RIPPLY2: variants seen among roughly 807,000 people sequenced by gnomAD.
The protein encoded by RIPPLY2 is ripply transcriptional repressor 2.
RIPPLY2 carries 20 observed loss-of-function variants against 17.7 expected under a neutral mutation model. That is an observed-to-expected ratio of 1.13 (90% CI 0.79 to 1.64). The LOEUF is 1.64. Among genes scored for constraint, RIPPLY2 ranks in the 40% most tolerant of loss-of-function variants. The pLI is 0.00. For missense variants in RIPPLY2, 213 were observed against 169.8 expected (o/e 1.25, Z -1.41); for synonymous variants, 69 against 63.9 (o/e 1.08, Z -0.38).
Position 83,853,391 on chromosome 6 carries a change from G to C in RIPPLY2, c.-26G>C. The C allele has an allele frequency of 6.5e-7, 1 of 1,533,894 alleles. No individual in the cohort carries two copies. Among genetic ancestry groups the C allele is most frequent in the East Asian group, 2.5e-5 (1 of 40,704 alleles). On this transcript the variant is annotated 5_prime_UTR_variant, in exon 1 of 4. Transcript: ENST00000369689. ...TCAAGATTGCCCGCGAGCTGGCAGC[G>C]GCCTTCCGCCCAGCTCTGCGGCGTC...
At chr6:83,857,206 T>A (rs2099455118) in intron 3 of RIPPLY2, 36 bp from the exon 4 acceptor site, 1 of 1,403,550 alleles carries the variant, frequency 7.1e-7, no homozygotes, top group Non-Finnish European at 9.4e-7. Context: ...AGATCCTGAA[T>A]GTGAAAAAAT....
At chr6:83,853,306 C>A, upstream of RIPPLY2, 1 of 808,986 alleles carries the variant, frequency 1.2e-6, no homozygotes, top group Non-Finnish European at 1.9e-6. Flanking sequence ...GCGAACCTCT[C>A]AATGTGCAGC....
At chr6:83,855,998 A>G (rs1370750685) in intron 3 of RIPPLY2, 1 of 152,212 alleles carries the variant, frequency 6.6e-6, no homozygotes, top group African/African-American at 2.4e-5. Context: ...CCAGTTACGC[A>G]TTAGGAAATA....
intron 1 of RIPPLY2, 25 bp downstream of exon 1, chr6:83,853,536 G>T (rs771322458): frequency 9.2e-5 from 142 of 1,535,752 alleles, no homozygotes; most frequent in Non-Finnish European, 1.2e-4. Flanking sequence ...GCTGCTCTGC[G>T]CCTCCCAGCT....
At chr6:83,855,730 T>C (rs2099454896) in intron 3 of RIPPLY2, 1 of 151,938 alleles carries the variant, frequency 6.6e-6, no homozygotes, top group Non-Finnish European at 1.5e-5. Context: ...CCATGGTAAA[T>C]GTAGGGTGGG....
chr6:83,853,841 C>T, intron 2 of RIPPLY2, 68 bp downstream of exon 2: 1 of 1,394,030 alleles, frequency 7.2e-7, no homozygotes, highest in South Asian at 1.2e-5. Flanking sequence ...GCTCTCGGGA[C>T]GCAGGGCCTG....
Position 83,853,378 on chromosome 6 carries a change from G to T in RIPPLY2, c.-39G>T. The T allele has an allele frequency of 1.3e-6, 2 of 1,514,238 alleles. No individual in the cohort carries two copies. 93.8% of individuals were successfully genotyped at this position (1,514,238 alleles called of 1,614,324 possible). A position where few individuals can be genotyped will look rare whatever the true frequency, so the allele number is the denominator to read the frequency against. On this transcript the variant is annotated 5_prime_UTR_variant, in exon 1 of 4. Transcript: ENST00000369689. Reference sequence around the variant, plus strand: ...CTACTGGAACTGGTCAAGATTGCCCGCGAGCTGGCAGCGGCCTTCCGCCCA... The same window carrying T: ...CTACTGGAACTGGTCAAGATTGCCCTCGAGCTGGCAGCGGCCTTCCGCCCA...
rs935027286 is a variant in RIPPLY2, at chr6:83,857,497, A to G, written c.*108A>G. The G allele has an allele frequency of 1.7e-6, 1 of 585,702 alleles. No individual in the cohort carries two copies. The highest frequency in any genetic ancestry group is 2.5e-6 in the Non-Finnish European group (1 of 405,514). The allele number at this position is 585,702 out of a possible 1,614,324, so 36.3% of individuals were successfully genotyped here. On this transcript the variant is annotated 3_prime_UTR_variant, in exon 4 of 4. Transcript: ENST00000369689. ...ATTTATTTGTATATAAATTATTAAT[A>G]AAATGAAATATTTTGTAATTATTCT...
chr6:83,853,653 C>A, intron 1 of RIPPLY2, 42 bp from the exon 2 acceptor site: 1 of 1,597,068 alleles, frequency 6.3e-7, no homozygotes, highest in Non-Finnish European at 8.5e-7. Flanking sequence ...CGGGTCTGGG[C>A]TCACGTCTCC....
chr6:83,853,819 AG>A lies in RIPPLY2; in HGVS notation c.174+47del, dbSNP rs757761166. 4 of 1,537,760 alleles carry A rather than the reference AG, an allele frequency of 2.6e-6. No individual in the cohort carries two copies. The East Asian group carries it at 9.0e-5, about 35-fold the overall frequency. ...AGGCCGCGCCTCCCACGGGTGCAGA[AG>A]ATCGACCAGGGCTCTCGGGACGCAG... is the stretch of plus-strand genomic sequence containing the variant. On this transcript the variant is annotated intron_variant, in intron 2 of 3. Transcript: ENST00000369689.
Position 83,857,450 on chromosome 6 carries a change from G to A in RIPPLY2, c.*61G>A, listed in dbSNP as rs2099455164. ...TGGGGTTTAAATTTAGTGTACAAATGTATCATAATTATTTTAAACTAATTT... is the reference window on the plus strand; with the variant it reads ...TGGGGTTTAAATTTAGTGTACAAATATATCATAATTATTTTAAACTAATTT... On this transcript the variant is annotated 3_prime_UTR_variant, in exon 4 of 4. Transcript: ENST00000369689. 5 of 1,059,092 alleles carry A rather than the reference G, an allele frequency of 4.7e-6. No homozygotes were observed. The South Asian group carries it at 6.4e-5, about 14-fold the overall frequency. 65.6% of individuals were successfully genotyped at this position (1,059,092 alleles called of 1,614,324 possible).
In RIPPLY2 at chr6:83,854,079, A is replaced by C. The variant is rs1195242062; in HGVS notation, c.175-18A>C. The C allele has an allele frequency of 6.2e-7, 1 of 1,612,164 alleles. No homozygotes were observed. Among genetic ancestry groups the C allele is most frequent in the African/African-American group, 1.3e-5 (1 of 74,858 alleles). On this transcript the variant is annotated intron_variant, in intron 2 of 3. Transcript: ENST00000369689. ...AAGGAGGTGGGTGATAACTGGATTCACTTCCTTTCCTCTCCAGATGCCCGA... is the reference window on the plus strand; with the variant it reads ...AAGGAGGTGGGTGATAACTGGATTCCCTTCCTTTCCTCTCCAGATGCCCGA...
chr6:83,857,180 C>G, intron 3 of RIPPLY2, 62 bp from the exon 4 acceptor site: 2 of 1,103,092 alleles, frequency 1.8e-6, no homozygotes. Flanking sequence ...GAAATTTGAC[C>G]ATTTCATGAG....
chr6:83,854,256 G>T, intron 3 of RIPPLY2, 95 bp downstream of exon 3: 1 of 935,700 alleles, frequency 1.1e-6, no homozygotes. Context: ...TGGTCCTGCA[G>T]TCTCTCTCTC....
chr6:83,857,322 C>A lies in RIPPLY2; in HGVS notation c.320C>A (p.Ala107Asp). 2 of 1,580,486 alleles carry A rather than the reference C, an allele frequency of 1.3e-6. No homozygotes were observed. The highest frequency in any genetic ancestry group is 1.7e-6 in the Non-Finnish European group (2 of 1,167,950). ...EALLKNFPIQ[A>D]TISFYEDSDS... ...CTTCTGAAAAATTTTCCAATTCAAG[C>A]CACAATTTCATTTTATGAAGATTCT... The change falls in exon 4 of 4, where the codon GCC (alanine) becomes GAC (aspartate). Residue 107 changes from alanine (A) to aspartate (D), a missense_variant. Physicochemically the swap from Ala to Asp is moderately radical, Grantham distance 126 (BLOSUM62 -2). Transcript: ENST00000369689.
In RIPPLY2 at chr6:83,853,436, C is replaced by G. The variant is rs1358431117; in HGVS notation, c.20C>G (p.Ala7Gly). Residue 7 changes from alanine (A) to glycine (G), a missense_variant, in exon 1 of 4, where the codon GCA becomes GGA. Coordinates refer to ENST00000369689, the MANE Select transcript of RIPPLY2 (RefSeq NM_001009994.3). ...GGCGTCATGGAGAACGCGGGAGGCG[C>G]AGAGGGTACAGAGAGTGGAGCTGCG... MENAGGAEGTESGAAAC... is the reference protein window; with the variant it reads MENAGGGEGTESGAAAC... 1 of 1,543,580 alleles carries G rather than the reference C, an allele frequency of 6.5e-7. No individual in the cohort carries two copies. The highest frequency in any genetic ancestry group is 1.4e-5 in the African/African-American group (1 of 72,886).
intron 2 of RIPPLY2, 59 bp from the exon 3 acceptor site, chr6:83,854,038 C>G: frequency 6.7e-7 from 1 of 1,489,596 alleles, no homozygotes; most frequent in Non-Finnish European, 9.4e-7. Flanking sequence ...GGGTCGTGCA[C>G]GTTTCCACTT....
chr6:83,857,215 A>G, intron 3 of RIPPLY2, 27 bp from the exon 4 acceptor site: 1 of 1,432,958 alleles, frequency 7.0e-7, no homozygotes, highest in Non-Finnish European at 9.2e-7. Context: ...ATGTGAAAAA[A>G]TAAAACATGT....
chr6:83,853,360 A>C lies in RIPPLY2; in HGVS notation c.-57A>C. 2 of 1,439,238 alleles carry C rather than the reference A, an allele frequency of 1.4e-6. No individual in the cohort carries two copies. Among genetic ancestry groups the C allele is most frequent in the African/African-American group, 1.4e-5 (1 of 69,750 alleles). 89.2% of individuals were successfully genotyped at this position (1,439,238 alleles called of 1,614,324 possible). A position where few individuals can be genotyped will look rare whatever the true frequency, so the allele number is the denominator to read the frequency against. ...AAAGCTCGGGTCTCGGACCTACTGG[A>C]ACTGGTCAAGATTGCCCGCGAGCTG... On this transcript the variant is annotated 5_prime_UTR_variant, in exon 1 of 4. Transcript: ENST00000369689.
Sources: allele counts gnomAD v4.1 joint callset, GRCh38; gene constraint gnomAD v4.1.1; transcripts MANE v1.5; gene names NCBI Gene and HGNC (gene_info 2026-07-23, HGNC 2026-07-21).